The following SEMA5A variants were observed in gnomAD, a reference collection of about 807,000 sequenced individuals.
SEMA5A encodes semaphorin-5A.
SEMA5A carries 55 observed loss-of-function variants against 135.5 expected under a neutral mutation model. That is an observed-to-expected ratio of 0.41 (90% CI 0.33 to 0.51). The LOEUF is 0.51. Ranked by LOEUF, SEMA5A falls within the 20% of genes least tolerant of loss-of-function variation. SEMA5A has a pLI of 0.37. For synonymous variants in SEMA5A, 580 were observed against 546.5 expected (o/e 1.06, Z -0.85); for missense variants, 1,290 against 1,419.9 (o/e 0.91, Z 1.47).
intron 1 of SEMA5A, among the ~76,000 whole-genome samples, chr5:9,455,688 A>T (rs1394720141): frequency 2.6e-5 from 4 of 152,224 alleles, no homozygotes; most frequent in African/African-American, 4.8e-5. Flanking sequence ...AGAATTATTT[A>T]AAAATGACTA....
At chr5:9,451,093 T>G (rs1758626015) in intron 1 of SEMA5A, among the ~76,000 whole-genome samples, 1 of 152,206 alleles carries the variant, frequency 6.6e-6, no homozygotes, top group South Asian at 2.1e-4. Flanking sequence ...ATTTTTTTTC[T>G]AATATACAGA....
chr5:9,413,141 G>T (rs1449532012), intron 2 of SEMA5A, among the ~76,000 whole-genome samples: 2 of 152,172 alleles, frequency 1.3e-5, no homozygotes, highest in African/African-American at 2.4e-5. Flanking sequence ...AGACATTGGG[G>T]AAGGTGGGCA....
At chr5:9,247,530 C>A (rs1057445192) in intron 5 of SEMA5A, among the ~76,000 whole-genome samples, 2 of 152,108 alleles carry the variant, frequency 1.3e-5, no homozygotes, top group African/African-American at 4.8e-5. Context: ...TTACAAAACC[C>A]AGATTATGAA....
At chr5:9,207,892 G>GATAGATAC (rs1357650064) in intron 8 of SEMA5A, among the ~76,000 whole-genome samples, 34 of 35,350 alleles carry the variant, frequency 9.6e-4, no homozygotes, top group African/African-American at 3.4e-3. Context: ...TAGATAGATA[G>GATAGATAC]ATAGATACAT....
At chr5:9,237,764 G>T (rs1185575041) in intron 6 of SEMA5A, 64 bp downstream of exon 6, 1 of 1,446,320 alleles carries the variant, frequency 6.9e-7, no homozygotes, top group Non-Finnish European at 9.7e-7. Context: ...ATATCAACAT[G>T]CTTTATATAG....
chr5:9,491,115 A>C (rs1734978403), intron 1 of SEMA5A, among the ~76,000 whole-genome samples: 2 of 152,114 alleles, frequency 1.3e-5, no homozygotes, highest in African/African-American at 4.8e-5. Context: ...TGGCCAGCAC[A>C]TTGTTCGCGA....
intron 2 of SEMA5A, among the ~76,000 whole-genome samples, chr5:9,415,252 G>C (rs1554033138): frequency 6.6e-6 from 1 of 152,156 alleles, no homozygotes; most frequent in Non-Finnish European, 1.5e-5. Context: ...AAAGCCTTTG[G>C]CCAATTTAGA....
rs753541138 is a variant in SEMA5A, at chr5:9,190,295, C to A, written c.1245G>T (p.Ala415=). ...VAVDVVQGRE[A]LVHIIYLATD... Reference sequence around the variant, plus strand: ...TGGCCAAATAGATGATGTGGACGAGCGCTTCTCTGCCCTGCACCACGTCGA... The same window carrying A: ...TGGCCAAATAGATGATGTGGACGAGAGCTTCTCTGCCCTGCACCACGTCGA... Residue 415 remains alanine, a synonymous_variant, in exon 11 of 23, where the codon GCG becomes GCT. Transcript: ENST00000382496. 44 of 1,613,948 alleles carry A rather than the reference C, an allele frequency of 2.7e-5. 1 individual carries two copies. The highest frequency in any genetic ancestry group is 2.1e-5 in the Non-Finnish European group (25 of 1,180,032).
chr5:9,427,804 C>A (rs1757711396), intron 2 of SEMA5A, among the ~76,000 whole-genome samples: 1 of 152,150 alleles, frequency 6.6e-6, no homozygotes. Flanking sequence ...GATCCTTGAG[C>A]AGCCTACCCC....
chr5:9,493,380 T>A (rs6865050), intron 1 of SEMA5A, among the ~76,000 whole-genome samples: 1 of 151,406 alleles, frequency 6.6e-6, no homozygotes, highest in Non-Finnish European at 1.5e-5. Flanking sequence ...AATCCTACAC[T>A]TATACATTTT....
At position 9,349,775 on chromosome 5, in the gene SEMA5A, A is replaced by C. The variant is rs1169995280; in HGVS notation, c.125-11963T>G. 2.0e-5 allele frequency among the ~76,000 whole-genome samples: 3 copies of C among 152,034 alleles called. No homozygotes were observed. The South Asian group carries it at 6.2e-4, about 32-fold the overall frequency. On this transcript the variant is annotated intron_variant, in intron 3 of 22. Transcript: ENST00000382496. Reference sequence around the variant, plus strand: ...AAATTAGTCAGGCATGGTGGCATGCACCTGTAATCCCAGCTACTCGGGAAG... The same window carrying C: ...AAATTAGTCAGGCATGGTGGCATGCCCCTGTAATCCCAGCTACTCGGGAAG...
intron 5 of SEMA5A, among the ~76,000 whole-genome samples, chr5:9,272,812 T>A (rs183299397): frequency 6.6e-6 from 1 of 152,168 alleles, no homozygotes; most frequent in Non-Finnish European, 1.5e-5. Context: ...AGGAATGGTA[T>A]CAACATCAAC....
intron 5 of SEMA5A, among the ~76,000 whole-genome samples, chr5:9,276,013 G>A (rs1342762350): frequency 6.6e-6 from 1 of 152,202 alleles, no homozygotes; most frequent in Non-Finnish European, 1.5e-5. Context: ...AAAACAGGAA[G>A]TCAAATTGTC....
intron 3 of SEMA5A, among the ~76,000 whole-genome samples, chr5:9,342,817 G>T (rs531022243): frequency 4.5e-4 from 69 of 152,296 alleles, no homozygotes; most frequent in African/African-American, 1.6e-3. Context: ...AAGAAACTGA[G>T]GCATTGTAAG....
chr5:9,082,461 A>G (rs1579358493), intron 16 of SEMA5A, among the ~76,000 whole-genome samples: 1 of 152,168 alleles, frequency 6.6e-6, no homozygotes, highest in South Asian at 2.1e-4. Flanking sequence ...GAGTTCACTC[A>G]GAAGCGGGCT....
chr5:9,458,511 A>G (rs1758932349), intron 1 of SEMA5A, among the ~76,000 whole-genome samples: 1 of 152,204 alleles, frequency 6.6e-6, no homozygotes, highest in South Asian at 2.1e-4. Flanking sequence ...AGTTAAGGTG[A>G]TTCAGATAGC....
At chr5:9,536,410 C>T (rs1394072658) in intron 1 of SEMA5A, among the ~76,000 whole-genome samples, 1 of 151,880 alleles carries the variant, frequency 6.6e-6, no homozygotes, top group Non-Finnish European at 1.5e-5. Flanking sequence ...CTCAGGAGTT[C>T]GAGACCAGCC....
At chr5:9,453,305 T>C (rs544804868) in intron 1 of SEMA5A, among the ~76,000 whole-genome samples, 14 of 152,290 alleles carry the variant, frequency 9.2e-5, no homozygotes, top group African/African-American at 3.4e-4. Flanking sequence ...ACAACAGGCA[T>C]TCCCAGCCGA....
chr5:9,170,441 G>A (rs1743853387), intron 11 of SEMA5A, among the ~76,000 whole-genome samples: 1 of 152,076 alleles, frequency 6.6e-6, no homozygotes, highest in Non-Finnish European at 1.5e-5. Flanking sequence ...AAAAATGAGA[G>A]ACAGGACATG....
Sources: allele counts gnomAD v4.1 joint callset (sites outside exome capture counted in the v4.1 genomes callset), GRCh38; gene constraint gnomAD v4.1.1; transcripts MANE v1.5; gene names NCBI Gene and HGNC (gene_info 2026-07-23, HGNC 2026-07-21).